SYT1: variants seen among roughly 807,000 people sequenced by gnomAD.
SYT1 encodes synaptotagmin-1.
A neutral mutation model predicts 44.8 loss-of-function variants in SYT1; 8 were observed. That is an observed-to-expected ratio of 0.18 (90% CI 0.10 to 0.32). The LOEUF is 0.32. SYT1 is among the 10% of genes least tolerant of loss of function. SYT1 has a pLI of 1.00. For missense variants in SYT1, 286 were observed against 509.3 expected (o/e 0.56, Z 4.22); for synonymous variants, 154 against 188.8 (o/e 0.82, Z 1.51).
intron 9 of SYT1, among the ~76,000 whole-genome samples, chr12:79,402,408 C>G (rs1367433146): frequency 6.6e-6 from 1 of 152,086 alleles, no homozygotes; most frequent in East Asian, 1.9e-4. Flanking sequence ...ATATTTTTCA[C>G]AGTAGTTATC....
At chr12:79,122,376 T>G (rs1039794869) in intron 3 of SYT1, among the ~76,000 whole-genome samples, 4 of 149,490 alleles carry the variant, frequency 2.7e-5, no homozygotes, top group African/African-American at 9.9e-5. Flanking sequence ...TAGCCGGGCG[T>G]GGTAGCGGGC....
intron 2 of SYT1, chr12:79,036,375 T>C (rs114223457): frequency 6.5e-4 from 99 of 151,998 alleles, no homozygotes; most frequent in African/African-American, 2.3e-3. Flanking sequence ...GAATTAGCTC[T>C]TCATGGAATT....
chr12:79,167,655 G>A (rs1871293107), intron 3 of SYT1, among the ~76,000 whole-genome samples: 1 of 152,020 alleles, frequency 6.6e-6, no homozygotes, highest in Admixed American at 6.6e-5. Context: ...AAGGTGAAAT[G>A]TCAGGGACTG....
At chr12:78,940,947 T>C (rs545651146) in intron 1 of SYT1, among the ~76,000 whole-genome samples, 1 of 152,250 alleles carries the variant, frequency 6.6e-6, no homozygotes, top group Non-Finnish European at 1.5e-5. Context: ...CTGAATTGAA[T>C]TGGCGAAGTT....
At chr12:78,923,143 A>C (rs996934386) in intron 1 of SYT1, among the ~76,000 whole-genome samples, 1 of 151,990 alleles carries the variant, frequency 6.6e-6, no homozygotes, top group African/African-American at 2.4e-5. Flanking sequence ...ATGTGAAAGA[A>C]ATATTCTATA....
In SYT1 at chr12:78,929,434, A is replaced by C. The variant is rs1463953524; in HGVS notation, c.-216-48365A>C. Reference sequence around the variant, plus strand: ...CAAAAAAAAAAAAAAAAAAAAAAAAAAAAAAAAAAAAAGGTTATTAGCAGC... The same window carrying C: ...CAAAAAAAAAAAAAAAAAAAAAAAACAAAAAAAAAAAAGGTTATTAGCAGC... On this transcript the variant is annotated intron_variant, in intron 1 of 10. Coordinates refer to ENST00000261205, the MANE Select transcript of SYT1 (RefSeq NM_005639.3). Among the ~76,000 whole-genome samples, 10 of 144,778 alleles carry C rather than the reference A, an allele frequency of 6.9e-5. No individual in the cohort carries two copies. The East Asian group carries it at 1.0e-3, about 15-fold the overall frequency. The allele number at this position is 144,778 out of a possible 152,430, so 95.0% of individuals were successfully genotyped here.
intron 3 of SYT1, among the ~76,000 whole-genome samples, chr12:79,084,030 T>C (rs1166163451): frequency 6.6e-6 from 1 of 152,132 alleles, no homozygotes; most frequent in Non-Finnish European, 1.5e-5. Flanking sequence ...GTCACAGAAG[T>C]GCATATGTAT....
intron 3 of SYT1, among the ~76,000 whole-genome samples, chr12:79,157,227 G>A (rs770797686): frequency 6.6e-6 from 1 of 152,130 alleles, no homozygotes; most frequent in African/African-American, 2.4e-5. Flanking sequence ...TATTGCAAGG[G>A]AACTTTTTAG....
rs1213032877 is a variant in SYT1, at chr12:79,246,080, G to A, written c.166+28395G>A. ...AGCATTTCTTTTATTTTAAAAAATA[G>A]GGAGTTATTAAAGATTTTTACTAGT... On this transcript the variant is annotated intron_variant, in intron 4 of 10. Coordinates refer to ENST00000261205, the MANE Select transcript of SYT1 (RefSeq NM_005639.3). 2.0e-5 allele frequency among the ~76,000 whole-genome samples: 3 copies of A among 151,932 alleles called. No homozygotes were observed. The East Asian group carries it at 5.8e-4, about 29-fold the overall frequency.
chr12:79,329,302 G>A (rs938385662), intron 8 of SYT1, among the ~76,000 whole-genome samples: 1 of 152,128 alleles, frequency 6.6e-6, no homozygotes, highest in Admixed American at 6.5e-5. Context: ...TCTTCTGTGT[G>A]TCTAAGAAAA....
intron 8 of SYT1, among the ~76,000 whole-genome samples, chr12:79,338,453 A>G (rs1248666696): frequency 6.6e-6 from 1 of 150,784 alleles, no homozygotes; most frequent in African/African-American, 2.4e-5. Context: ...AATTTTCTTT[A>G]ATTTTTATTT....
intron 8 of SYT1, chr12:79,341,448 G>C (rs1179847972): frequency 6.6e-6 from 1 of 152,014 alleles, no homozygotes; most frequent in Non-Finnish European, 1.5e-5. Context: ...TCATGGGTAG[G>C]AGTTCTGGGG....
At chr12:78,931,642 T>C (rs970895328) in intron 1 of SYT1, among the ~76,000 whole-genome samples, 1 of 152,196 alleles carries the variant, frequency 6.6e-6, no homozygotes, top group African/African-American at 2.4e-5. Context: ...GGAGTTATTT[T>C]AACAATTTTG....
intron 9 of SYT1, among the ~76,000 whole-genome samples, chr12:79,383,507 G>T (rs927107087): frequency 6.6e-6 from 1 of 151,746 alleles, no homozygotes; most frequent in Non-Finnish European, 1.5e-5. Flanking sequence ...TCAAGATATA[G>T]TTATTTAAAT....
At chr12:79,048,288 A>T (rs1022361784) in intron 3 of SYT1, among the ~76,000 whole-genome samples, 1 of 151,884 alleles carries the variant, frequency 6.6e-6, no homozygotes, top group Admixed American at 6.6e-5. Flanking sequence ...TATAAAAAGT[A>T]GAAATTTCTA....
At chr12:79,099,892 G>T (rs1446544719) in intron 3 of SYT1, among the ~76,000 whole-genome samples, 1 of 151,976 alleles carries the variant, frequency 6.6e-6, no homozygotes, top group Non-Finnish European at 1.5e-5. Context: ...AGAATCCCAG[G>T]GGAAGCATTT....
rs74440733 is a variant in SYT1, at chr12:79,347,344, A to C, written c.811-6158A>C. ...AAAAGATGCTCACCCAAGATGTAGGAGCAGCCCACATCCAATGTTTGGGGG... is the reference window on the plus strand; with the variant it reads ...AAAAGATGCTCACCCAAGATGTAGGCGCAGCCCACATCCAATGTTTGGGGG... On this transcript the variant is annotated intron_variant, in intron 8 of 10. Coordinates refer to ENST00000261205, the MANE Select transcript of SYT1 (RefSeq NM_005639.3). Among the ~76,000 whole-genome samples, 1,522 of 152,240 alleles carry C rather than the reference A, an allele frequency of 1.0e-2. 26 individuals carry two copies. The highest frequency in any genetic ancestry group is 0.034 in the African/African-American group (1,415 of 41,536).
chr12:79,377,279 T>C (rs1055480153), intron 9 of SYT1, among the ~76,000 whole-genome samples: 3 of 152,116 alleles, frequency 2.0e-5, no homozygotes, highest in African/African-American at 7.2e-5. Context: ...GCCCGGCTAA[T>C]TTTTTGTATT....
chr12:79,131,318 A>C (rs1868805620), intron 3 of SYT1, among the ~76,000 whole-genome samples: 1 of 152,000 alleles, frequency 6.6e-6, no homozygotes, highest in Admixed American at 6.5e-5. Context: ...TCTAACTCTA[A>C]ATTCTTAAAA....
Sources: allele counts gnomAD v4.1 joint callset (sites outside exome capture counted in the v4.1 genomes callset), GRCh38; gene constraint gnomAD v4.1.1; transcripts MANE v1.5; gene names NCBI Gene and HGNC (gene_info 2026-07-23, HGNC 2026-07-21).